The following IMMP2L variants were observed in gnomAD, a reference collection of about 807,000 sequenced individuals.
IMMP2L encodes mitochondrial inner membrane protease subunit 2.
IMMP2L carries 18 observed loss-of-function variants against 19.3 expected under a neutral mutation model. The observed-to-expected ratio is 0.93, with a 90% CI of 0.64 to 1.38. The LOEUF is 1.38. IMMP2L is among the 40% of genes most tolerant of loss of function. The pLI is 0.00. For missense variants in IMMP2L, 233 were observed against 218.2 expected, an observed-to-expected ratio of 1.07 and a Z score of -0.43; for synonymous variants, 76 against 73.0, an observed-to-expected ratio of 1.04 and a Z score of -0.21.
intron 3 of IMMP2L, among the ~76,000 whole-genome samples, chr7:111,417,720 A>G (rs1002418959): frequency 6.6e-6 from 1 of 151,942 alleles, no homozygotes; most frequent in Non-Finnish European, 1.5e-5. Flanking sequence ...CATGAAATAG[A>G]ATAAGCAGAT....
chr7:111,234,762 C>G (rs939338370), intron 3 of IMMP2L, among the ~76,000 whole-genome samples: 1 of 151,934 alleles, frequency 6.6e-6, no homozygotes, highest in African/African-American at 2.4e-5. Context: ...ACAGTTTATA[C>G]CTTTAATTTA....
intron 3 of IMMP2L, among the ~76,000 whole-genome samples, chr7:111,095,282 ATACTTTGTATTCACCCAGCT>A (rs1445534221): frequency 6.6e-6 from 1 of 152,022 alleles, no homozygotes; most frequent in Non-Finnish European, 1.5e-5. Flanking sequence ...GTAATACATT[ATACTTTGTATTCACCCAGCT>A]ATTTATTGGA....
chr7:111,469,430 T>C (rs1239448963), intron 3 of IMMP2L, among the ~76,000 whole-genome samples: 2 of 152,112 alleles, frequency 1.3e-5, no homozygotes, highest in East Asian at 1.9e-4. Context: ...TTTTATTTCA[T>C]TGAGCAGTGG....
At chr7:111,384,398 A>G (rs1194513216) in intron 3 of IMMP2L, among the ~76,000 whole-genome samples, 1 of 152,042 alleles carries the variant, frequency 6.6e-6, no homozygotes, top group East Asian at 1.9e-4. Flanking sequence ...AATCAGGTAG[A>G]GATTGCTGAA....
chr7:111,134,923 G>T (rs1240649611), intron 3 of IMMP2L, among the ~76,000 whole-genome samples: 1 of 151,786 alleles, frequency 6.6e-6, no homozygotes, highest in Non-Finnish European at 1.5e-5. Context: ...TTTCACTATG[G>T]TATCAATAAT....
intron 3 of IMMP2L, among the ~76,000 whole-genome samples, chr7:111,090,750 G>A (rs964238009): frequency 3.3e-5 from 5 of 152,106 alleles, no homozygotes; most frequent in Admixed American, 3.3e-4. Context: ...CTTCAGAGAC[G>A]GAGTTGGAGG....
intron 3 of IMMP2L, among the ~76,000 whole-genome samples, chr7:111,476,811 C>T (rs1006436911): frequency 2.2e-4 from 33 of 152,118 alleles, no homozygotes; most frequent in African/African-American, 8.0e-4. Flanking sequence ...TCCTTTGGAT[C>T]TCTCACTTCA....
intron 3 of IMMP2L, among the ~76,000 whole-genome samples, chr7:111,306,284 T>G (rs891338628): frequency 3.3e-5 from 5 of 152,074 alleles, no homozygotes; most frequent in Admixed American, 3.3e-4. Context: ...ACATCAACAG[T>G]GAATGCTAAT....
At chr7:111,440,839 G>A (rs1372878328) in intron 3 of IMMP2L, among the ~76,000 whole-genome samples, 6 of 151,836 alleles carry the variant, frequency 4.0e-5, no homozygotes, top group Admixed American at 1.3e-4. Context: ...TAGTGTAGGC[G>A]CCTTTGTCAA....
chr7:111,050,310 C>G (rs1220514226), intron 3 of IMMP2L, among the ~76,000 whole-genome samples: 1 of 152,196 alleles, frequency 6.6e-6, no homozygotes, highest in African/African-American at 2.4e-5. Context: ...AACTCTCTCA[C>G]TTCCCCCTTC....
chr7:110,973,706 C>T (rs758954), intron 3 of IMMP2L, among the ~76,000 whole-genome samples: 71,446 of 151,858 alleles, frequency 0.47, 18,119 homozygotes, highest in Non-Finnish European at 0.58. Context: ...CAGGAAGCTG[C>T]TTTGATTCTA....
At chr7:111,417,398 T>C (rs1835056223) in intron 3 of IMMP2L, among the ~76,000 whole-genome samples, 1 of 151,798 alleles carries the variant, frequency 6.6e-6, no homozygotes, top group South Asian at 2.1e-4. Flanking sequence ...TCAGAATTGG[T>C]AGCACATTGT....
intron 3 of IMMP2L, among the ~76,000 whole-genome samples, chr7:111,271,776 A>C (rs1818497727): frequency 6.6e-6 from 1 of 152,186 alleles, no homozygotes; most frequent in Non-Finnish European, 1.5e-5. Flanking sequence ...GTCCCTAAGT[A>C]CAAATGCCCT....
At chr7:111,188,622 C>T (rs1013360346) in intron 3 of IMMP2L, among the ~76,000 whole-genome samples, 30 of 152,186 alleles carry the variant, frequency 2.0e-4, no homozygotes, top group African/African-American at 6.5e-4. Context: ...CTCTGCTCAT[C>T]GTAGTTGGAT....
chr7:110,990,781 T>C (rs1172636078), intron 3 of IMMP2L, among the ~76,000 whole-genome samples: 1 of 152,168 alleles, frequency 6.6e-6, no homozygotes, highest in African/African-American at 2.4e-5. Context: ...CATTTCTTAC[T>C]TAAAAATCTA....
chr7:110,802,060 T>C (rs1167681992), intron 5 of IMMP2L, among the ~76,000 whole-genome samples: 4 of 152,102 alleles, frequency 2.6e-5, no homozygotes, highest in Non-Finnish European at 1.5e-5. Flanking sequence ...TTACAACATA[T>C]ATTCTTTGCT....
chr7:110,926,465 T>A (rs1217514430), intron 4 of IMMP2L, among the ~76,000 whole-genome samples: 1 of 152,138 alleles, frequency 6.6e-6, no homozygotes, highest in African/African-American at 2.4e-5. Context: ...TGCCCTTATA[T>A]GGCCATGCAA....
chr7:111,030,159 G>C (rs1342138887), intron 3 of IMMP2L, among the ~76,000 whole-genome samples: 1 of 152,070 alleles, frequency 6.6e-6, no homozygotes, highest in East Asian at 1.9e-4. Context: ...AAGATGTGCA[G>C]AGTTCAGGAT....
chr7:110,938,391 C>A (rs753568183), intron 4 of IMMP2L, among the ~76,000 whole-genome samples: 1 of 152,024 alleles, frequency 6.6e-6, no homozygotes, highest in Non-Finnish European at 1.5e-5. Flanking sequence ...AGAGCTGAGG[C>A]CTCAAGAGGG....
Sources: gnomAD v4.1 joint callset for allele counts (sites outside exome capture counted in the v4.1 genomes callset) on GRCh38, gnomAD v4.1.1 for gene constraint, MANE v1.5 for transcripts, NCBI Gene and HGNC (gene_info 2026-07-23, HGNC 2026-07-21) for gene names.